Variants in NIPSNAP3B observed in about 807,000 individuals in gnomAD.
NIPSNAP3B encodes the protein nipsnap homolog 3B, also known as protein NipSnap homolog 3B.
Under a neutral mutation model 31.5 loss-of-function variants are expected in NIPSNAP3B, and 30 were observed. The ratio of observed to expected loss-of-function variants is 0.95; its 90% CI spans 0.71 to 1.29. The LOEUF is 1.29. Among genes scored for constraint, NIPSNAP3B ranks in the 50% most tolerant of loss-of-function variants. The probability of loss-of-function intolerance (pLI) is 0.00; values close to 1 mark genes in which losing one functional copy is unlikely to be tolerated. For missense variants in NIPSNAP3B, 269 were observed against 300.7 expected, an observed-to-expected ratio of 0.89 and a Z score of 0.78; for synonymous variants, 106 against 107.9, an observed-to-expected ratio of 0.98 and a Z score of 0.11.
Position 104,764,174 on chromosome 9 carries a change from G to A in NIPSNAP3B, c.-67G>A. 2 of 1,455,694 alleles carry A rather than the reference G, an allele frequency of 1.4e-6. No individual in the cohort carries two copies. The highest frequency in any genetic ancestry group is 1.9e-6 in the Non-Finnish European group (2 of 1,063,876). 90.2% of individuals were successfully genotyped at this position (1,455,694 alleles called of 1,614,324 possible). A position where few individuals can be genotyped will look rare whatever the true frequency, so the allele number is the denominator to read the frequency against. On this transcript the variant is annotated 5_prime_UTR_variant, in exon 1 of 6. Coordinates refer to ENST00000374762, the MANE Select transcript of NIPSNAP3B (RefSeq NM_018376.4). Reference sequence around the variant, plus strand: ...GTCCAGGAGCCGCTTTTTTCCACTCGGGAAGACTTCAGAGAAGTCTCACAA... The same window carrying A: ...GTCCAGGAGCCGCTTTTTTCCACTCAGGAAGACTTCAGAGAAGTCTCACAA...
At chr9:104,786,965 G>A in the NIPSNAP3B span, 1 of 1,613,770 alleles carries the variant, frequency 6.2e-7, no homozygotes, top group African/African-American at 1.3e-5. Flanking sequence ...CCATGCCTGT[G>A]GTGGGTTCAT....
At chr9:104,778,513 C>T (rs568867790), downstream of NIPSNAP3B, among the ~76,000 whole-genome samples, 3 of 152,310 alleles carry the variant, frequency 2.0e-5, no homozygotes, top group East Asian at 5.8e-4. Flanking sequence ...AGGCGTGCAC[C>T]ACCACGCCCA....
chr9:104,765,984 G>C (rs186846245), intron 1 of NIPSNAP3B, among the ~76,000 whole-genome samples: 1 of 152,222 alleles, frequency 6.6e-6, no homozygotes, highest in African/African-American at 2.4e-5. Context: ...GGCTAAACAG[G>C]GGAAAACCCT....
chr9:104,779,952 G>T (rs906371765), downstream of NIPSNAP3B, among the ~76,000 whole-genome samples: 4 of 152,136 alleles, frequency 2.6e-5, no homozygotes, highest in African/African-American at 9.7e-5. Flanking sequence ...GCTTGAACCC[G>T]GGAGGCGGAG....
intron 4 of NIPSNAP3B, among the ~76,000 whole-genome samples, chr9:104,771,832 T>C (rs182792755): frequency 2.6e-5 from 4 of 152,342 alleles, no homozygotes; most frequent in Admixed American, 2.0e-4. Flanking sequence ...TGAACTAATT[T>C]ACACTCCCAC....
At chr9:104,786,762 TTGTTTTAC>T in the NIPSNAP3B span, 1 of 1,027,106 alleles carries the variant, frequency 9.7e-7, no homozygotes. Context: ...CAGGTAATAA[TTGTTTTAC>T]TCTTTGCTTT....
At chr9:104,772,773 T>C (rs1179286572) in intron 4 of NIPSNAP3B, 49 bp from the exon 5 acceptor site, 2 of 1,563,114 alleles carry the variant, frequency 1.3e-6, no homozygotes, top group African/African-American at 2.7e-5. Context: ...ATATTTCTTA[T>C]TTGCTATTGC....
chr9:104,784,283 T>G, the NIPSNAP3B span: 1 of 1,613,682 alleles, frequency 6.2e-7, no homozygotes, highest in Non-Finnish European at 8.5e-7. Flanking sequence ...AGTTCCTCTT[T>G]ACTTTCAGCC....
At chr9:104,785,370 A>C in the NIPSNAP3B span, 1 of 1,613,520 alleles carries the variant, frequency 6.2e-7, no homozygotes, top group Non-Finnish European at 8.5e-7. Context: ...CTGAGAAGTA[A>C]ATCTGTTTTG....
At chr9:104,764,385 CAG>C in intron 1 of NIPSNAP3B, 85 bp downstream of exon 1, 2 of 1,204,494 alleles carry the variant, frequency 1.7e-6, no homozygotes, top group Non-Finnish European at 2.3e-6. Flanking sequence ...GAGCCACGCT[CAG>C]GCGCTCCCAG....
At chr9:104,788,078 A>G in the NIPSNAP3B span, 141 of 1,613,344 alleles carry the variant, frequency 8.7e-5, no homozygotes, top group East Asian at 2.6e-3. Context: ...AAGCACCTTG[A>G]CTTTGGTCTG....
At chr9:104,780,695 CATTT>C (rs768502520), downstream of NIPSNAP3B, among the ~76,000 whole-genome samples, 25 of 152,192 alleles carry the variant, frequency 1.6e-4, no homozygotes, top group Admixed American at 6.5e-5. Flanking sequence ...ACCAAGTGAA[CATTT>C]ATTAAATAAG....
downstream of NIPSNAP3B, chr9:104,781,794 C>A (rs1208446004): frequency 6.6e-6 from 1 of 152,540 alleles, no homozygotes; most frequent in Non-Finnish European, 1.5e-5. Context: ...TTGAGAATTT[C>A]TGAAACTCAC....
In NIPSNAP3B at chr9:104,776,292, C is replaced by T. The variant is rs1828334548; in HGVS notation, c.*3219C>T. Among the ~76,000 whole-genome samples, 1 of 152,168 alleles carries T rather than the reference C, an allele frequency of 6.6e-6. No homozygotes were observed. The highest frequency in any genetic ancestry group is 1.5e-5 in the Non-Finnish European group (1 of 68,034). The stretch of plus-strand genomic sequence containing the variant: ...TGCATCTGCGTGGATCATTTCCATG[C>T]CTCCTCAGGTCTTTGCCCTCATGAA... On this transcript the variant is annotated 3_prime_UTR_variant, in exon 6 of 6. Transcript: ENST00000374762.
At chr9:104,783,592 T>C in the NIPSNAP3B span, 1 of 152,456 alleles carries the variant, frequency 6.6e-6, no homozygotes, top group African/African-American at 2.4e-5. Context: ...CATAGGACAA[T>C]ATAACAATGG....
rs377620680 is a variant in NIPSNAP3B at position 104,766,340 on chromosome 9, G to A, written c.76G>A (p.Ala26Thr). The A allele has an allele frequency of 1.5e-5, 24 of 1,613,300 alleles. No homozygotes were observed. The highest frequency in any genetic ancestry group is 2.7e-5 in the African/African-American group (2 of 74,952). Residue 26 changes from alanine (A) to threonine (T), a missense_variant, in exon 2 of 6, where the codon GCT (alanine) becomes ACT (threonine). Transcript: ENST00000374762. Reference sequence around the variant, plus strand: ...CCTCCTTCAGGTGTGTTCATCTTTTGCTACGGGCCCTAGACAATACGATGG... The same window carrying A: ...CCTCCTTCAGGTGTGTTCATCTTTTACTACGGGCCCTAGACAATACGATGG... ...TLAPQVCSSF[A>T]TGPRQYDGTF... is the part of the protein sequence containing the mutation.
At chr9:104,785,059 G>A in the NIPSNAP3B span, among the ~76,000 whole-genome samples, 1 of 152,136 alleles carries the variant, frequency 6.6e-6, no homozygotes, top group Non-Finnish European at 1.5e-5. Flanking sequence ...TATTTACTGA[G>A]TACTTCTTAA....
Position 104,769,155 on chromosome 9 carries a change from G to A in NIPSNAP3B, c.430+134G>A, listed in dbSNP as rs539195065. The A allele has an allele frequency of 1.3e-5, 8 of 625,138 alleles. No individual in the cohort carries two copies. The East Asian group carries it at 1.8e-4, about 14-fold the overall frequency. 38.7% of individuals were successfully genotyped at this position (625,138 alleles called of 1,614,324 possible). ...TATAATAATATATGATGAGTCTGGA[G>A]ATAAAAATGAATTAGAGACTGGGCG... is the stretch of plus-strand genomic sequence containing the variant. On this transcript the variant is annotated intron_variant, in intron 3 of 5. Coordinates refer to ENST00000374762, the MANE Select transcript of NIPSNAP3B (RefSeq NM_018376.4).
chr9:104,783,675 G>A, the NIPSNAP3B span: 2 of 153,160 alleles, frequency 1.3e-5, no homozygotes, highest in African/African-American at 4.8e-5. Context: ...GCTTATCAGA[G>A]GGAATCAAAG....
Sources: allele counts gnomAD v4.1 joint callset (sites outside exome capture counted in the v4.1 genomes callset), GRCh38; gene constraint gnomAD v4.1.1; transcripts MANE v1.5; gene names NCBI Gene and HGNC (gene_info 2026-07-23, HGNC 2026-07-21).